The following CDH12 variants were observed in gnomAD, a reference collection of about 807,000 sequenced individuals.
The protein encoded by CDH12 is cadherin 12, also known as cadherin-12.
Under a neutral mutation model 74.1 loss-of-function variants are expected in CDH12, and 41 were observed. The observed-to-expected ratio is 0.55, with a 90% CI of 0.43 to 0.72. The LOEUF is 0.72. Ranked by LOEUF, CDH12 falls within the 30% of genes least tolerant of loss-of-function variation. CDH12 has a pLI of 0.00. For synonymous variants in CDH12, 399 were observed against 355.0 expected (o/e 1.12, Z -1.39); for missense variants, 945 against 977.2 (o/e 0.97, Z 0.44).
intron 10 of CDH12, among the ~76,000 whole-genome samples, chr5:21,800,562 C>T (rs1747054557): frequency 6.6e-6 from 1 of 152,130 alleles, no homozygotes; most frequent in Non-Finnish European, 1.5e-5. Flanking sequence ...TGACCACCTG[C>T]TGAAAAGAAA....
At position 22,146,868 on chromosome 5, in the gene CDH12, CT is replaced by C. The variant is rs1034907381; in HGVS notation, c.-187+65629del. ...CTTTGTATCATATGAAAACAACAGC[CT>C]GCTGAATGACTATGTATTGTCTATT... On this transcript the variant is annotated intron_variant, in intron 4 of 14. Transcript: ENST00000382254. 6.6e-4 allele frequency among the ~76,000 whole-genome samples: 100 copies of C among 152,100 alleles called. 1 individual carries two copies. Among genetic ancestry groups the C allele is most frequent in the Non-Finnish European group, 1.3e-4 (9 of 68,000 alleles).
At chr5:22,119,590 A>G (rs1006077557) in intron 4 of CDH12, among the ~76,000 whole-genome samples, 6 of 151,918 alleles carry the variant, frequency 3.9e-5, no homozygotes, top group Admixed American at 2.0e-4. Context: ...GCTCCCCGCC[A>G]ATCATCCACT....
At chr5:22,039,384 C>A (rs1015712780) in intron 5 of CDH12, among the ~76,000 whole-genome samples, 3 of 152,012 alleles carry the variant, frequency 2.0e-5, no homozygotes, top group Non-Finnish European at 4.4e-5. Flanking sequence ...CTCTTGTGGG[C>A]AATCTACATC....
intron 6 of CDH12, among the ~76,000 whole-genome samples, chr5:21,874,031 G>A (rs960911368): frequency 2.0e-5 from 3 of 152,086 alleles, no homozygotes; most frequent in Non-Finnish European, 2.9e-5. Flanking sequence ...TTGATTTCAT[G>A]TCTTTGCTAT....
intron 5 of CDH12, among the ~76,000 whole-genome samples, chr5:21,993,122 C>T (rs1403559746): frequency 3.3e-5 from 5 of 152,086 alleles, no homozygotes; most frequent in African/African-American, 9.7e-5. Context: ...GTGGATATTA[C>T]AATTCGAGAT....
chr5:21,875,291 A>G (rs980271320), intron 6 of CDH12, among the ~76,000 whole-genome samples: 4 of 152,242 alleles, frequency 2.6e-5, no homozygotes, highest in Non-Finnish European at 5.9e-5. Flanking sequence ...TACTTCAAAC[A>G]TAAAATGGGA....
At chr5:22,814,547 T>A (rs961496597) in intron 1 of CDH12, among the ~76,000 whole-genome samples, 2 of 152,158 alleles carry the variant, frequency 1.3e-5, no homozygotes, top group African/African-American at 4.8e-5. Flanking sequence ...ATTTAGAAAA[T>A]AATTTTATAT....
chr5:22,119,015 A>G (rs1452771904), intron 4 of CDH12, among the ~76,000 whole-genome samples: 1 of 152,112 alleles, frequency 6.6e-6, no homozygotes, highest in East Asian at 1.9e-4. Context: ...CAATTTGAGA[A>G]CAAGAAGAAG....
At chr5:22,332,437 A>C (rs1174154050) in intron 3 of CDH12, among the ~76,000 whole-genome samples, 1 of 152,170 alleles carries the variant, frequency 6.6e-6, no homozygotes, top group Non-Finnish European at 1.5e-5. Context: ...TTAAAAAGCA[A>C]TTGGAACAAA....
intron 1 of CDH12, among the ~76,000 whole-genome samples, chr5:22,538,039 TCTTTCCCA>T (rs1255588120): frequency 1.3e-5 from 2 of 152,168 alleles, no homozygotes; most frequent in Non-Finnish European, 2.9e-5. Flanking sequence ...ACCTAGCTGG[TCTTTCCCA>T]CTTTCCTCCC....
chr5:22,003,824 CAAAAAAAAAAAA>C (rs775995801), intron 5 of CDH12, among the ~76,000 whole-genome samples: 2 of 47,396 alleles, frequency 4.2e-5, no homozygotes, highest in Admixed American at 6.2e-4. Flanking sequence ...CCCGCTTCCA[CAAAAAAAAAAAA>C]AAAAAAAAAA....
intron 3 of CDH12, among the ~76,000 whole-genome samples, chr5:22,308,008 G>C (rs1432683509): frequency 6.9e-6 from 1 of 145,788 alleles, no homozygotes; most frequent in African/African-American, 2.5e-5. Context: ...AGCCTCCCAA[G>C]TAGCTGGGAC....
chr5:22,436,633 G>A lies in CDH12; in HGVS notation c.-427-31282C>T, dbSNP rs1580648372. Among the ~76,000 whole-genome samples the A allele has an allele frequency of 2.0e-5, 3 of 152,056 alleles. No homozygotes were observed. In the South Asian group the frequency reaches 6.2e-4, roughly 32 times the overall value. Reference sequence around the variant, plus strand: ...TCAGCTCTGTCTAGGCAGCACGCAAGGAGAACTCACTGGGCGGATACGCTA... The same window carrying A: ...TCAGCTCTGTCTAGGCAGCACGCAAAGAGAACTCACTGGGCGGATACGCTA... On this transcript the variant is annotated intron_variant, in intron 2 of 14. Coordinates refer to ENST00000382254, the MANE Select transcript of CDH12 (RefSeq NM_004061.5).
intron 2 of CDH12, among the ~76,000 whole-genome samples, chr5:22,474,100 G>A (rs976529251): frequency 1.3e-5 from 2 of 152,102 alleles, no homozygotes; most frequent in African/African-American, 4.8e-5. Context: ...TTAGTAATGA[G>A]TCACAAGGTA....
chr5:22,432,983 T>C (rs1453056304), intron 2 of CDH12, among the ~76,000 whole-genome samples: 1 of 152,038 alleles, frequency 6.6e-6, no homozygotes, highest in Non-Finnish European at 1.5e-5. Context: ...AATTCATACA[T>C]GTATTACCTG....
rs767051318 is a variant in CDH12, at chr5:21,755,808, T to A, written c.1668A>T (p.Gly556=). The A allele has an allele frequency of 3.7e-6, 6 of 1,614,062 alleles. No homozygotes were observed. In the South Asian group the frequency reaches 6.6e-5, roughly 18 times the overall value. ...ACAACTCTTGCTGCCTGCGGCTGTA[T>A]CCATTTCTTCGGGTTTCAATCCCCG... ...NTAGIETRRN[G]YSRRQQELYF... is the part of the protein sequence containing the mutation. Residue 556 remains glycine, a synonymous_variant, in exon 14 of 15, where the codon GGA becomes GGT. Coordinates refer to ENST00000382254, the MANE Select transcript of CDH12 (RefSeq NM_004061.5).
At chr5:22,378,042 G>A (rs540298001) in intron 3 of CDH12, among the ~76,000 whole-genome samples, 5 of 152,104 alleles carry the variant, frequency 3.3e-5, no homozygotes, top group African/African-American at 7.2e-5. Context: ...GAATAATAAC[G>A]TGTTTTTTTC....
intron 9 of CDH12, among the ~76,000 whole-genome samples, chr5:21,814,848 C>A (rs114663332): frequency 0.013 from 1,928 of 150,602 alleles, 43 homozygotes; most frequent in African/African-American, 0.045. Flanking sequence ...AATGTGATTT[C>A]TTTGTTGGAG....
intron 3 of CDH12, among the ~76,000 whole-genome samples, chr5:22,244,560 A>T: frequency 8.0e-6 from 1 of 124,660 alleles, no homozygotes; most frequent in Admixed American, 8.3e-5. Flanking sequence ...AAGAAGAAAG[A>T]GAGAAAGAGA....
Sources: allele counts gnomAD v4.1 joint callset (sites outside exome capture counted in the v4.1 genomes callset), GRCh38; gene constraint gnomAD v4.1.1; transcripts MANE v1.5; gene names NCBI Gene and HGNC (gene_info 2026-07-23, HGNC 2026-07-21).